MAP3K19: variants seen among roughly 807,000 people sequenced by gnomAD.
The protein encoded by MAP3K19 is SPS1/STE20-related protein kinase YSK4.
In MAP3K19, 91 loss-of-function variants were observed where a neutral mutation model predicts 114.4. The observed-to-expected ratio is 0.80, with a 90% CI of 0.67 to 0.95. The LOEUF (loss-of-function observed/expected upper bound fraction) is 0.95, where lower values mean the gene tolerates loss of function less well. MAP3K19 is among the 40% of genes least tolerant of loss of function. The pLI is 0.00. For missense variants in MAP3K19, 1,471 were observed against 1,573.2 expected, an observed-to-expected ratio of 0.94 and a Z score of 1.10; for synonymous variants, 518 against 530.5, an observed-to-expected ratio of 0.98 and a Z score of 0.32.
In MAP3K19 at chr2:134,966,853, A is replaced by G. The variant is rs4055091; in HGVS notation, c.3921-1937T>C. On this transcript the variant is annotated intron_variant, in intron 12 of 12. Transcript: ENST00000392915. ...AGGGAGGACAGTGGACCTGTTCTCC[A>G]TGGTCATGGCCCAGCGGAGGGGAAG... Among the ~76,000 whole-genome samples, 3,332 of 151,880 alleles carry G rather than the reference A, an allele frequency of 0.022. 229 individuals carry two copies. In the East Asian group the frequency reaches 0.29, roughly 13 times the overall value.
Position 134,986,174 on chromosome 2 carries a change from A to G in MAP3K19, c.2698T>C (p.Ser900Pro), listed in dbSNP as rs764647657. The G allele has an allele frequency of 1.2e-6, 2 of 1,613,758 alleles. No individual in the cohort carries two copies. Among genetic ancestry groups the G allele is most frequent in the Non-Finnish European group, 8.5e-7 (1 of 1,179,984 alleles). Reference sequence around the variant, plus strand: ...AAAGAGAAATTTGTAAGTGTTTTAGAGTGATCTGAAACACTATCAAACTCT... The same window carrying G: ...AAAGAGAAATTTGTAAGTGTTTTAGGGTGATCTGAAACACTATCAAACTCT... ...DLEFDSVSDH[S>P]KTLTNFSFQA... Residue 900 changes from serine to proline, a missense_variant, in exon 10 of 13, where the codon TCT (serine) becomes CCT (proline). Coordinates refer to ENST00000392915, the MANE Select transcript of MAP3K19 (RefSeq NM_025052.5).
rs1360740723 is a variant in MAP3K19, at chr2:134,999,939, CTTTTCT to C, written c.306_311del (p.Glu103_Lys104del). ...ATACTTCAAAGAATATTCCTTACTTCTTTTCTTTTAAGTCTTCTTGGCTCATTTCTT... is the reference window on the plus strand; with the variant it reads ...ATACTTCAAAGAATATTCCTTACTTCTTTAAGTCTTCTTGGCTCATTTCTT... On this transcript the variant is annotated inframe_deletion, in exon 7 of 13. Coordinates refer to ENST00000392915, the MANE Select transcript of MAP3K19 (RefSeq NM_025052.5). This position sits in a 1 kb window ranked among gnomAD's most constrained non-coding sequence, Gnocchi z 4.1. The C allele has an allele frequency of 1.3e-6, 2 of 1,598,574 alleles. No individual in the cohort carries two copies. Among genetic ancestry groups the C allele is most frequent in the Non-Finnish European group, 1.7e-6 (2 of 1,166,080 alleles).
intron 5 of MAP3K19, among the ~76,000 whole-genome samples, chr2:135,012,870 A>G (rs1687325527): frequency 6.6e-6 from 1 of 152,222 alleles, no homozygotes; most frequent in Admixed American, 6.5e-5. Flanking sequence ...ATGTAGTAGT[A>G]CAATTGTAAT....
chr2:135,043,031 C>T (rs2017831), intron 1 of MAP3K19, among the ~76,000 whole-genome samples: 40,325 of 151,736 alleles, frequency 0.27, 7,216 homozygotes, highest in African/African-American at 0.49. Flanking sequence ...TGCAGTGAGC[C>T]GAGATCAAAC....
chr2:135,007,164 C>CA (rs201841030), intron 5 of MAP3K19, among the ~76,000 whole-genome samples: 3,604 of 143,000 alleles, frequency 0.025, 126 homozygotes, highest in African/African-American at 0.083. Context: ...GACCCTGTCT[C>CA]AAAAAAAAAA....
At position 135,018,859 on chromosome 2, in the gene MAP3K19, C is replaced by T. The variant is rs555742980; in HGVS notation, c.138+2856G>A. On this transcript the variant is annotated intron_variant, in intron 5 of 12. Transcript: ENST00000392915. Reference sequence around the variant, plus strand: ...CAACACTTTGGGAAACCAAGGCAGGCAGATCACCTGAGCTCAGGAATGCGA... The same window carrying T: ...CAACACTTTGGGAAACCAAGGCAGGTAGATCACCTGAGCTCAGGAATGCGA... 2.6e-5 allele frequency among the ~76,000 whole-genome samples: 4 copies of T among 152,202 alleles called. No individual in the cohort carries two copies. The East Asian group carries it at 5.8e-4, about 22-fold the overall frequency.
At chr2:134,970,426 T>C (rs976614471) in intron 12 of MAP3K19, among the ~76,000 whole-genome samples, 8 of 152,142 alleles carry the variant, frequency 5.3e-5, no homozygotes, top group African/African-American at 1.7e-4. Flanking sequence ...TGTTGGTATA[T>C]AGAAACACAA....
intron 2 of MAP3K19, among the ~76,000 whole-genome samples, chr2:135,034,737 G>A (rs1283086195): frequency 7.0e-6 from 1 of 143,704 alleles, no homozygotes; most frequent in Non-Finnish European, 1.5e-5. Flanking sequence ...GCAGTGAGCC[G>A]AGATGGCAGC....
intron 5 of MAP3K19, among the ~76,000 whole-genome samples, chr2:135,011,319 C>T (rs918070922): frequency 1.3e-5 from 2 of 152,002 alleles, no homozygotes; most frequent in Middle Eastern, 3.4e-3. Context: ...GGGTGGATCA[C>T]GAGGTCAGGA....
intron 12 of MAP3K19, among the ~76,000 whole-genome samples, chr2:134,969,873 T>C (rs1683746238): frequency 6.6e-6 from 1 of 152,216 alleles, no homozygotes; most frequent in Non-Finnish European, 1.5e-5. Context: ...AGGGTGTCAA[T>C]TCCCCAGTAT....
In MAP3K19 at chr2:134,986,802, C is replaced by T. The variant is rs372349374; in HGVS notation, c.2070G>A (p.Ser690=). The T allele has an allele frequency of 1.4e-5, 22 of 1,613,998 alleles. No individual in the cohort carries two copies. The highest frequency in any genetic ancestry group is 3.3e-4 in the Middle Eastern group (2 of 6,084). The change falls in exon 10 of 13, where the codon TCG becomes TCA. Residue 690 remains serine (S), a synonymous_variant. Coordinates refer to ENST00000392915, the MANE Select transcript of MAP3K19 (RefSeq NM_025052.5). ...DENTYYREIC[S]APSGRRITNK... ...TGGTGATACGTCTGCCTGATGGAGCCGAACATATCTCACGGTAATACGTGT... is the reference window on the plus strand; with the variant it reads ...TGGTGATACGTCTGCCTGATGGAGCTGAACATATCTCACGGTAATACGTGT...
intron 1 of MAP3K19, among the ~76,000 whole-genome samples, chr2:135,044,663 T>G (rs1459096450): frequency 6.6e-6 from 1 of 152,166 alleles, no homozygotes; most frequent in African/African-American, 2.4e-5. Context: ...TAGTCTTATT[T>G]CCGTTTTCAT....
At chr2:135,032,455 G>C (rs1688405881) in intron 2 of MAP3K19, among the ~76,000 whole-genome samples, 1 of 151,532 alleles carries the variant, frequency 6.6e-6, no homozygotes, top group Admixed American at 6.6e-5. Flanking sequence ...TCCACTCCTA[G>C]GTATGGTACT....
In MAP3K19 at chr2:135,011,524, G is replaced by A. The variant is rs188077289; in HGVS notation, c.139-5993C>T. Among the ~76,000 whole-genome samples, 276 of 133,104 alleles carry A rather than the reference G, an allele frequency of 2.1e-3. 1 individual carries two copies. Among genetic ancestry groups the A allele is most frequent in the African/African-American group, 3.7e-3 (123 of 33,026 alleles). 87.3% of individuals were successfully genotyped at this position (133,104 alleles called of 152,430 possible). Reference sequence around the variant, plus strand: ...TGTACTCCAGCCTGGGCGACAGAGCGAGACTCTGTCTCAAAAAAAAAAAAA... The same window carrying A: ...TGTACTCCAGCCTGGGCGACAGAGCAAGACTCTGTCTCAAAAAAAAAAAAA... On this transcript the variant is annotated intron_variant, in intron 5 of 12. Transcript: ENST00000392915.
chr2:135,028,803 C>T (rs1028205684), intron 3 of MAP3K19, among the ~76,000 whole-genome samples: 4 of 152,150 alleles, frequency 2.6e-5, no homozygotes, highest in Non-Finnish European at 5.9e-5. Context: ...GTCTCTACCT[C>T]AGCTTCTCTA....
At chr2:135,034,466 G>A (rs371204606) in intron 2 of MAP3K19, among the ~76,000 whole-genome samples, 2 of 127,328 alleles carry the variant, frequency 1.6e-5, no homozygotes, top group African/African-American at 3.7e-5. Context: ...CGGCTGGGAG[G>A]TGGAGGTTGT....
chr2:135,033,035 CATCCGA>C (rs755308463), intron 2 of MAP3K19, among the ~76,000 whole-genome samples: 3 of 129,822 alleles, frequency 2.3e-5, no homozygotes, highest in Non-Finnish European at 4.7e-5. Flanking sequence ...ACACGGCAAC[CATCCGA>C]TTTCCCAATC....
intron 12 of MAP3K19, among the ~76,000 whole-genome samples, chr2:134,969,013 G>C (rs778438063): frequency 6.6e-6 from 1 of 152,182 alleles, no homozygotes; most frequent in South Asian, 2.1e-4. Flanking sequence ...GGGAGGTGGA[G>C]GTTGTAGCGA....
chr2:134,992,700 C>T (rs1379018474), intron 8 of MAP3K19, among the ~76,000 whole-genome samples: 4 of 151,566 alleles, frequency 2.6e-5, no homozygotes, highest in African/African-American at 9.7e-5. Context: ...GACAGGGTCT[C>T]GCTCTGTCGC....
Sources: allele counts gnomAD v4.1 joint callset (sites outside exome capture counted in the v4.1 genomes callset), GRCh38; gene constraint gnomAD v4.1.1; non-coding constraint Gnocchi (gnomAD v3.1); transcripts MANE v1.5; gene names NCBI Gene and HGNC (gene_info 2026-07-23, HGNC 2026-07-21).